The following TMEM132B variants were observed in gnomAD, a reference collection of about 807,000 sequenced individuals.
The protein encoded by TMEM132B is transmembrane protein 132B.
Under a neutral mutation model 90.8 loss-of-function variants are expected in TMEM132B, and 18 were observed. The observed-to-expected ratio is 0.20, with a 90% CI of 0.14 to 0.29. The LOEUF is 0.29. TMEM132B is among the 10% of genes least tolerant of loss of function. The pLI is 1.00. For missense variants in TMEM132B, 1,096 were observed against 1,326.8 expected, an observed-to-expected ratio of 0.83 and a Z score of 2.70; for synonymous variants, 504 against 523.3, an observed-to-expected ratio of 0.96 and a Z score of 0.50.
chr12:125,311,955 A>G lies in TMEM132B; in HGVS notation c.68-37497A>G, dbSNP rs905618609. Among the ~76,000 whole-genome samples the G allele has an allele frequency of 3.3e-5, 5 of 152,226 alleles. 1 individual carries two copies. Among genetic ancestry groups the G allele is most frequent in the African/African-American group, 1.2e-4 (5 of 41,458 alleles). On this transcript the variant is annotated intron_variant, in intron 1 of 8. Transcript: ENST00000682704. ...AAGTAGGAAGTACATGGCATAAAGG[A>G]GTGAAGCAGGTGCTCATATACAAAC...
intron 1 of TMEM132B, among the ~76,000 whole-genome samples, chr12:125,275,922 C>T (rs1189661900): frequency 1.3e-5 from 2 of 152,152 alleles, no homozygotes; most frequent in African/African-American, 4.8e-5. Flanking sequence ...CTATGTTGTG[C>T]AGTCTGGTCT....
At chr12:125,374,163 C>T (rs1240293675) in intron 2 of TMEM132B, among the ~76,000 whole-genome samples, 1 of 152,208 alleles carries the variant, frequency 6.6e-6, no homozygotes, top group African/African-American at 2.4e-5. Context: ...ATGTGTGACA[C>T]ACAAGAATCT....
intron 6 of TMEM132B, among the ~76,000 whole-genome samples, chr12:125,648,227 A>G (rs1886817054): frequency 6.6e-6 from 1 of 152,166 alleles, no homozygotes; most frequent in Admixed American, 6.5e-5. Flanking sequence ...TACAAAGGAC[A>G]TGAACTCATC....
chr12:125,586,676 A>G (rs767621979), intron 5 of TMEM132B: 2 of 152,208 alleles, frequency 1.3e-5, no homozygotes, highest in Non-Finnish European at 2.9e-5. Flanking sequence ...GTCATTTAGT[A>G]GCTGCCTGGG....
At chr12:125,217,517 G>T (rs1293306785) in intron 1 of TMEM132B, among the ~76,000 whole-genome samples, 1 of 152,204 alleles carries the variant, frequency 6.6e-6, no homozygotes, top group Non-Finnish European at 1.5e-5. Flanking sequence ...CACAATCTCA[G>T]TTCATTGCAG....
intron 1 of TMEM132B, among the ~76,000 whole-genome samples, chr12:125,228,686 A>G (rs189088309): frequency 6.6e-6 from 1 of 152,294 alleles, no homozygotes; most frequent in East Asian, 1.9e-4. Flanking sequence ...TCTCTGCAGC[A>G]GACGTCACTG....
chr12:125,224,260 T>C (rs545205311), intron 1 of TMEM132B, among the ~76,000 whole-genome samples: 2 of 152,010 alleles, frequency 1.3e-5, no homozygotes, highest in East Asian at 3.9e-4. Context: ...GTGCTGCCAT[T>C]AACATCCCTG....
chr12:125,417,099 C>T (rs993013730), intron 3 of TMEM132B, among the ~76,000 whole-genome samples: 3 of 152,106 alleles, frequency 2.0e-5, no homozygotes, highest in Non-Finnish European at 4.4e-5. Flanking sequence ...TCTTCCCACT[C>T]CAGTATACCC....
intron 1 of TMEM132B, among the ~76,000 whole-genome samples, chr12:125,318,503 G>A (rs527604561): frequency 2.6e-5 from 4 of 152,140 alleles, no homozygotes; most frequent in South Asian, 4.2e-4. Flanking sequence ...TATTTTTCCC[G>A]ATGCTCTCCC....
chr12:125,342,816 G>A (rs1344652462), intron 1 of TMEM132B, among the ~76,000 whole-genome samples: 3 of 152,128 alleles, frequency 2.0e-5, no homozygotes, highest in East Asian at 1.9e-4. Flanking sequence ...CCTGATGACC[G>A]GCTGCCACTG....
At position 125,659,958 on chromosome 12, in the gene TMEM132B, C is replaced by T. The variant is rs1887166854; in HGVS notation, c.*5248C>T. The stretch of plus-strand genomic sequence containing the variant: ...CTAACAGCTTCCTCCTTGTCTTTTC[C>T]CTGGGAACATGGGAGCACTGACACA... On this transcript the variant is annotated 3_prime_UTR_variant, in exon 9 of 9. Transcript: ENST00000682704. 1 of 152,240 alleles carries T rather than the reference C, an allele frequency of 6.6e-6. No homozygotes were observed. The highest frequency in any genetic ancestry group is 2.4e-5 in the African/African-American group (1 of 41,446). The allele number at this position is 152,240 out of a possible 1,614,324, so 9.4% of individuals were successfully genotyped here. A position where few individuals can be genotyped will look rare whatever the true frequency, so the allele number is the denominator to read the frequency against.
rs1365334865 is a variant in TMEM132B at position 125,414,320 on chromosome 12, T to C, written c.960-1211T>C. On this transcript the variant is annotated intron_variant, in intron 2 of 8. Transcript: ENST00000682704. ...TTGTTTTCATTCACTTGTTTTTAAATAGTGTCCTAGACCTGCTGCTATGTG... is the reference window on the plus strand; with the variant it reads ...TTGTTTTCATTCACTTGTTTTTAAACAGTGTCCTAGACCTGCTGCTATGTG... 2.6e-5 allele frequency among the ~76,000 whole-genome samples: 4 copies of C among 152,166 alleles called. No individual in the cohort carries two copies. The East Asian group carries it at 7.7e-4, about 29-fold the overall frequency.
intron 1 of TMEM132B, among the ~76,000 whole-genome samples, chr12:125,205,846 C>A (rs929623913): frequency 6.6e-6 from 1 of 152,246 alleles, no homozygotes; most frequent in Non-Finnish European, 1.5e-5. Flanking sequence ...TTGGCTCCAC[C>A]CTTTGATCAG....
At chr12:125,532,998 C>T (rs956361600) in intron 4 of TMEM132B, among the ~76,000 whole-genome samples, 8 of 152,238 alleles carry the variant, frequency 5.3e-5, no homozygotes, top group African/African-American at 1.9e-4. Flanking sequence ...TTCTTGCTAG[C>T]GAGTCACTTT....
chr12:125,218,331 G>A (rs905347136), intron 1 of TMEM132B, among the ~76,000 whole-genome samples: 7 of 151,830 alleles, frequency 4.6e-5, no homozygotes, highest in East Asian at 1.9e-4. Flanking sequence ...GCTCTCAATC[G>A]TCCTTTCCCC....
At chr12:125,543,163 G>C (rs1180447078) in intron 4 of TMEM132B, among the ~76,000 whole-genome samples, 1 of 152,194 alleles carries the variant, frequency 6.6e-6, no homozygotes, top group African/African-American at 2.4e-5. Flanking sequence ...CAGAAGTCCA[G>C]ACAGTCTCTG....
intron 3 of TMEM132B, among the ~76,000 whole-genome samples, chr12:125,431,303 G>T (rs767674752): frequency 6.6e-6 from 1 of 152,018 alleles, no homozygotes; most frequent in Non-Finnish European, 1.5e-5. Flanking sequence ...CCTTGGTAAT[G>T]GGGGGTCCCC....
chr12:125,370,740 G>A (rs542652457), intron 2 of TMEM132B, among the ~76,000 whole-genome samples: 2 of 152,316 alleles, frequency 1.3e-5, no homozygotes, highest in East Asian at 3.9e-4. Flanking sequence ...GGGAAGAAAT[G>A]GGTAATGGAT....
intron 4 of TMEM132B, among the ~76,000 whole-genome samples, chr12:125,572,179 T>C (rs80311706): frequency 0.019 from 2,905 of 152,348 alleles, 34 homozygotes; most frequent in Non-Finnish European, 0.03. Context: ...ATTTATCCCA[T>C]TGCTAGTGAT....
Sources: allele counts gnomAD v4.1 joint callset (sites outside exome capture counted in the v4.1 genomes callset), GRCh38; gene constraint gnomAD v4.1.1; transcripts MANE v1.5; gene names NCBI Gene and HGNC (gene_info 2026-07-23, HGNC 2026-07-21).